Variants in NBEA observed in about 807,000 individuals in gnomAD.
NBEA encodes lysosomal-trafficking regulator 2.
Under a neutral mutation model 343.4 loss-of-function variants are expected in NBEA, and 44 were observed. The ratio of observed to expected loss-of-function variants is 0.13; its 90% CI spans 0.10 to 0.16. The LOEUF (loss-of-function observed/expected upper bound fraction) is 0.16, where lower values mean the gene tolerates loss of function less well. NBEA is among the 10% of genes least tolerant of loss of function. NBEA has a pLI of 1.00. For missense variants in NBEA, 2,555 were observed against 3,631.3 expected, an observed-to-expected ratio of 0.70 and a Z score of 7.62; for synonymous variants, 1,175 against 1,238.7, an observed-to-expected ratio of 0.95 and a Z score of 1.08.
chr13:35,318,215 C>T (rs185300590), intron 36 of NBEA, among the ~76,000 whole-genome samples: 94 of 152,102 alleles, frequency 6.2e-4, no homozygotes, highest in African/African-American at 2.1e-3. Flanking sequence ...TTTGCCCATT[C>T]GGTATGATAT....
chr13:35,096,551 T>C (rs1223344988), intron 10 of NBEA, among the ~76,000 whole-genome samples: 25 of 151,846 alleles, frequency 1.6e-4, no homozygotes, highest in Admixed American at 1.6e-3. Context: ...GAAATACTTT[T>C]TTGCCTTTTT....
chr13:35,530,664 C>T (rs933362645), intron 41 of NBEA, among the ~76,000 whole-genome samples: 2 of 152,116 alleles, frequency 1.3e-5, no homozygotes, highest in African/African-American at 4.8e-5. Context: ...AAAAGAACCA[C>T]CGTTATTGAG....
chr13:35,629,024 T>A (rs2083344370), intron 49 of NBEA, among the ~76,000 whole-genome samples: 1 of 152,256 alleles, frequency 6.6e-6, no homozygotes, highest in Non-Finnish European at 1.5e-5. Context: ...TATTCTTATG[T>A]GTTTTCAATC....
intron 36 of NBEA, among the ~76,000 whole-genome samples, chr13:35,332,391 T>G (rs979553109): frequency 6.6e-6 from 1 of 152,028 alleles, no homozygotes; most frequent in Admixed American, 6.6e-5. Context: ...CAAGGGTTGT[T>G]CAAGGATATA....
At chr13:35,097,976 T>G (rs185172186) in intron 10 of NBEA, among the ~76,000 whole-genome samples, 1 of 152,100 alleles carries the variant, frequency 6.6e-6, no homozygotes, top group Non-Finnish European at 1.5e-5. Flanking sequence ...ATAAATGATG[T>G]GTATATGTTT....
chr13:35,604,895 C>A (rs2153050903), intron 47 of NBEA, among the ~76,000 whole-genome samples: 1 of 152,244 alleles, frequency 6.6e-6, no homozygotes, highest in Middle Eastern at 3.4e-3. Context: ...TGCCCAGAAT[C>A]CCCTGCTCTT....
intron 13 of NBEA, among the ~76,000 whole-genome samples, chr13:35,115,890 A>G (rs2066468922): frequency 6.6e-6 from 1 of 152,230 alleles, no homozygotes. Context: ...ACAATAAAGA[A>G]GAAAACAAAC....
chr13:35,255,129 G>T lies in NBEA; in HGVS notation c.5776+22510G>T, dbSNP rs139584766. On this transcript the variant is annotated intron_variant, in intron 34 of 58. Coordinates refer to ENST00000379939, the MANE Select transcript of NBEA (RefSeq NM_001385012.1). ...TGTTGCTTGGCTATCAGGGATAAAA[G>T]GTATAGAGTACCATTACCAAACTCT... 2.1e-3 allele frequency among the ~76,000 whole-genome samples: 325 copies of T among 152,106 alleles called. 1 individual carries two copies. Among genetic ancestry groups the T allele is most frequent in the Non-Finnish European group, 3.6e-3 (244 of 67,992 alleles).
chr13:34,991,665 T>C (rs2060753206), intron 1 of NBEA, among the ~76,000 whole-genome samples: 1 of 152,168 alleles, frequency 6.6e-6, no homozygotes, highest in African/African-American at 2.4e-5. Flanking sequence ...TACTATAATT[T>C]TCACTTCAAG....
intron 39 of NBEA, among the ~76,000 whole-genome samples, chr13:35,447,516 G>T (rs1199660215): frequency 6.6e-6 from 1 of 151,844 alleles, no homozygotes; most frequent in Non-Finnish European, 1.5e-5. Flanking sequence ...TTACTAAGAA[G>T]TCAGTCTATG....
intron 1 of NBEA, among the ~76,000 whole-genome samples, chr13:34,976,940 ATTT>A (rs58973015): frequency 1.5e-5 from 2 of 129,634 alleles, no homozygotes; most frequent in Admixed American, 7.9e-5. Context: ...TTTTCTCTCT[ATTT>A]TTTTTTTTTT....
chr13:35,311,868 A>C (rs887222574), intron 36 of NBEA, among the ~76,000 whole-genome samples: 1 of 152,210 alleles, frequency 6.6e-6, no homozygotes, highest in African/African-American at 2.4e-5. Context: ...ACCAAAAAAA[A>C]AAATTCAACC....
intron 41 of NBEA, among the ~76,000 whole-genome samples, chr13:35,535,618 A>G (rs984961586): frequency 1.3e-5 from 2 of 152,154 alleles, no homozygotes; most frequent in Middle Eastern, 3.4e-3. Context: ...TAACCTCCCC[A>G]CTTGATACTT....
chr13:35,003,331 C>T (rs2061208998), intron 1 of NBEA, among the ~76,000 whole-genome samples: 1 of 152,074 alleles, frequency 6.6e-6, no homozygotes, highest in South Asian at 2.1e-4. Flanking sequence ...GATCATGCCA[C>T]TGCACTAGCC....
chr13:35,492,071 A>G (rs913041319), intron 41 of NBEA, among the ~76,000 whole-genome samples: 2 of 152,010 alleles, frequency 1.3e-5, no homozygotes, highest in Non-Finnish European at 2.9e-5. Context: ...ATTGAAGACT[A>G]TTCTAAGTGA....
chr13:35,354,980 T>G (rs978039591), intron 38 of NBEA, among the ~76,000 whole-genome samples: 1 of 152,138 alleles, frequency 6.6e-6, no homozygotes, highest in African/African-American at 2.4e-5. Flanking sequence ...TCTTATATTT[T>G]TCTCCATCTC....
At chr13:35,548,842 G>T (rs1179821254) in intron 41 of NBEA, among the ~76,000 whole-genome samples, 4 of 152,064 alleles carry the variant, frequency 2.6e-5, no homozygotes, top group Admixed American at 2.6e-4. Context: ...ACCCTTTTGT[G>T]AAATGTACAA....
intron 41 of NBEA, among the ~76,000 whole-genome samples, chr13:35,494,477 C>T (rs2076605205): frequency 6.6e-6 from 1 of 151,838 alleles, no homozygotes; most frequent in South Asian, 2.1e-4. Context: ...CATTACTTTT[C>T]ATGGCAAAAA....
intron 1 of NBEA, among the ~76,000 whole-genome samples, chr13:35,028,490 G>A (rs77004779): frequency 0.02 from 3,073 of 151,864 alleles, 102 homozygotes; most frequent in African/African-American, 0.066. Context: ...ACTTTTGTAT[G>A]TTGATCCTGT....
Sources: gnomAD v4.1 joint callset for allele counts (sites outside exome capture counted in the v4.1 genomes callset) on GRCh38, gnomAD v4.1.1 for gene constraint, MANE v1.5 for transcripts, NCBI Gene and HGNC (gene_info 2026-07-23, HGNC 2026-07-21) for gene names.